The following MGAT5 variants were observed in gnomAD, a reference collection of about 807,000 sequenced individuals.
The protein encoded by MGAT5 is alpha-1,6-mannosylglycoprotein 6-beta-N-acetylglucosaminyltransferase.
Under a neutral mutation model 94.3 loss-of-function variants are expected in MGAT5, and 30 were observed. That is an observed-to-expected ratio of 0.32 (90% CI 0.24 to 0.43). The LOEUF is 0.43. Among genes scored for constraint, MGAT5 ranks in the 20% least tolerant of loss-of-function variants. MGAT5 has a pLI of 1.00. For synonymous variants in MGAT5, 310 were observed against 322.9 expected, an observed-to-expected ratio of 0.96 and a Z score of 0.43; for missense variants, 691 against 905.5, an observed-to-expected ratio of 0.76 and a Z score of 3.04.
chr2:134,207,298 C>T (rs1680061257), intron 1 of MGAT5, among the ~76,000 whole-genome samples: 1 of 152,094 alleles, frequency 6.6e-6, no homozygotes, highest in East Asian at 1.9e-4. Flanking sequence ...CCTTAATTGC[C>T]CTTTGCCATG....
intron 1 of MGAT5, among the ~76,000 whole-genome samples, chr2:134,140,652 A>G (rs989489342): frequency 2.0e-5 from 3 of 152,378 alleles, no homozygotes; most frequent in African/African-American, 7.2e-5. Context: ...GGGCCATGTC[A>G]TAAGCAGTCC....
intron 2 of MGAT5, among the ~76,000 whole-genome samples, chr2:134,282,331 T>G (rs979659808): frequency 2.0e-5 from 3 of 152,266 alleles, no homozygotes; most frequent in African/African-American, 7.2e-5. Context: ...GGGGATTAAT[T>G]TAGCATGGGT....
chr2:134,252,044 T>C (rs1682638316), upstream of MGAT5, among the ~76,000 whole-genome samples: 1 of 152,242 alleles, frequency 6.6e-6, no homozygotes, highest in Non-Finnish European at 1.5e-5. Flanking sequence ...TATATCCCTG[T>C]TGCTGCAAAA....
intron 1 of MGAT5, 72 bp downstream of exon 1, chr2:134,254,716 T>C (rs750738147): frequency 6.3e-7 from 1 of 1,575,932 alleles, no homozygotes; most frequent in Non-Finnish European, 8.6e-7. Context: ...AGCTCCCAGA[T>C]ATGGTCTTGT....
At chr2:134,374,337 C>T (rs1031027754) in intron 10 of MGAT5, among the ~76,000 whole-genome samples, 18 of 152,166 alleles carry the variant, frequency 1.2e-4, no homozygotes, top group South Asian at 2.1e-4. Flanking sequence ...GAGATTTACC[C>T]TGTGGAACCT....
At chr2:134,164,847 A>AC (rs1687893151) in intron 1 of MGAT5, among the ~76,000 whole-genome samples, 1 of 151,990 alleles carries the variant, frequency 6.6e-6, no homozygotes, top group African/African-American at 2.4e-5. Flanking sequence ...CTCAAAAAAA[A>AC]AAAACCAAAC....
intron 6 of MGAT5, among the ~76,000 whole-genome samples, chr2:134,340,755 C>T (rs1390851374): frequency 6.6e-6 from 1 of 151,962 alleles, no homozygotes; most frequent in African/African-American, 2.4e-5. Flanking sequence ...TTTTGCAGTC[C>T]GTAATGGATT....
chr2:134,132,508 G>C (rs894042231), intron 1 of MGAT5, among the ~76,000 whole-genome samples: 1 of 152,204 alleles, frequency 6.6e-6, no homozygotes, highest in Non-Finnish European at 1.5e-5. Flanking sequence ...CAGAGGTCAG[G>C]CGGCACGTGA....
intron 1 of MGAT5, among the ~76,000 whole-genome samples, chr2:134,262,272 C>T (rs1683387387): frequency 1.3e-5 from 2 of 152,088 alleles, no homozygotes; most frequent in South Asian, 4.1e-4. Context: ...TAGAGTCTTG[C>T]TCTGTCACCA....
chr2:134,191,951 C>G (rs1036883060), intron 1 of MGAT5, among the ~76,000 whole-genome samples: 1 of 148,516 alleles, frequency 6.7e-6, no homozygotes, highest in Non-Finnish European at 1.5e-5. Flanking sequence ...TCGTGCCCTC[C>G]TTCTCCTCCT....
At chr2:134,249,066 A>G (rs927120316) in intron 1 of MGAT5, among the ~76,000 whole-genome samples, 2 of 151,972 alleles carry the variant, frequency 1.3e-5, no homozygotes, top group African/African-American at 4.8e-5. Context: ...CTGGAAGTAG[A>G]TCACTGTGGT....
At chr2:134,242,201 A>G (rs1364429086) in intron 1 of MGAT5, among the ~76,000 whole-genome samples, 1 of 152,218 alleles carries the variant, frequency 6.6e-6, no homozygotes, top group African/African-American at 2.4e-5. Context: ...GGGTAGCTGC[A>G]TAAGGCGCTT....
At chr2:134,258,399 C>T (rs747348199) in intron 1 of MGAT5, among the ~76,000 whole-genome samples, 3 of 152,250 alleles carry the variant, frequency 2.0e-5, no homozygotes, top group Non-Finnish European at 4.4e-5. Flanking sequence ...CAAACCATGG[C>T]CTACGGGCCA....
intron 1 of MGAT5, among the ~76,000 whole-genome samples, chr2:134,122,145 C>T (rs1300737915): frequency 1.3e-5 from 2 of 151,648 alleles, no homozygotes; most frequent in African/African-American, 4.9e-5. Context: ...GCTCTTGTTG[C>T]CCAGGCTGGA....
chr2:134,363,521 A>G (rs543407349), intron 10 of MGAT5, among the ~76,000 whole-genome samples: 1 of 152,268 alleles, frequency 6.6e-6, no homozygotes, highest in East Asian at 1.9e-4. Flanking sequence ...GATTTTATTT[A>G]CCGATTCCCC....
chr2:134,295,368 T>C (rs957859659), intron 2 of MGAT5, among the ~76,000 whole-genome samples: 2 of 152,212 alleles, frequency 1.3e-5, no homozygotes, highest in African/African-American at 4.8e-5. Flanking sequence ...ACTGTGTGGC[T>C]TTCTTCACTT....
At chr2:134,204,488 A>G (rs775179819) in intron 1 of MGAT5, among the ~76,000 whole-genome samples, 64 of 152,128 alleles carry the variant, frequency 4.2e-4, no homozygotes, top group Non-Finnish European at 7.4e-4. Context: ...AGCCAGAACT[A>G]TGATGGAGCA....
chr2:134,308,866 C>T (rs1490339073), intron 2 of MGAT5, among the ~76,000 whole-genome samples: 2 of 152,166 alleles, frequency 1.3e-5, no homozygotes, highest in Non-Finnish European at 2.9e-5. Flanking sequence ...AAGACCTCAT[C>T]TCTACAAAAA....
chr2:134,349,655 A>G (rs1008114310), intron 8 of MGAT5, 150 bp from the exon 9 acceptor site: 6 of 801,194 alleles, frequency 7.5e-6, no homozygotes, highest in African/African-American at 1.7e-5. Flanking sequence ...TACACAAGCT[A>G]TTGTAAAACA....
Sources: allele counts gnomAD v4.1 joint callset (sites outside exome capture counted in the v4.1 genomes callset), GRCh38; gene constraint gnomAD v4.1.1; transcripts MANE v1.5; gene names NCBI Gene and HGNC (gene_info 2026-07-23, HGNC 2026-07-21).